PPP2R2A: variants seen among roughly 807,000 people sequenced by gnomAD.
The protein encoded by PPP2R2A is protein phosphatase 2 regulatory subunit Balpha.
In PPP2R2A, 9 loss-of-function variants were observed where a neutral mutation model predicts 53.2. The observed-to-expected ratio is 0.17, with a 90% CI of 0.10 to 0.30. The LOEUF (loss-of-function observed/expected upper bound fraction) is 0.30, where lower values mean the gene tolerates loss of function less well. Among genes scored for constraint, PPP2R2A ranks in the 10% least tolerant of loss-of-function variants. The probability of loss-of-function intolerance (pLI) is 1.00; values close to 1 mark genes in which losing one functional copy is unlikely to be tolerated. For synonymous variants in PPP2R2A, 169 were observed against 174.2 expected (o/e 0.97, Z 0.23); for missense variants, 235 against 534.6 (o/e 0.44, Z 5.53).
chr8:26,324,714 G>T (rs1307455117), intron 2 of PPP2R2A, among the ~76,000 whole-genome samples: 1 of 152,120 alleles, frequency 6.6e-6, no homozygotes, highest in Admixed American at 6.5e-5. Context: ...CTTGCACCAT[G>T]CCCCGGGAAA....
At chr8:26,314,887 T>TC (rs1802466504) in intron 2 of PPP2R2A, among the ~76,000 whole-genome samples, 6 of 25,028 alleles carry the variant, frequency 2.4e-4, no homozygotes, top group Non-Finnish European at 3.6e-4. Flanking sequence ...TTTTTTTCCC[T>TC]TCCCCCCCCC....
intron 2 of PPP2R2A, among the ~76,000 whole-genome samples, chr8:26,307,116 A>G (rs946174053): frequency 6.6e-6 from 1 of 152,188 alleles, no homozygotes; most frequent in Non-Finnish European, 1.5e-5. Context: ...AGAAATTAGC[A>G]TTTTCTTTTA....
At chr8:26,336,140 G>A (rs936949948) in intron 2 of PPP2R2A, among the ~76,000 whole-genome samples, 1 of 152,046 alleles carries the variant, frequency 6.6e-6, no homozygotes, top group Admixed American at 6.5e-5. Context: ...GTAAGGGCTG[G>A]GTGTTGTGTT....
intron 2 of PPP2R2A, among the ~76,000 whole-genome samples, chr8:26,309,645 G>A (rs1802185642): frequency 6.6e-6 from 1 of 152,144 alleles, no homozygotes; most frequent in African/African-American, 2.4e-5. Flanking sequence ...CTGTTGTTTA[G>A]TGTAGTCACC....
chr8:26,335,694 A>G (rs577714488), intron 2 of PPP2R2A, among the ~76,000 whole-genome samples: 4 of 152,270 alleles, frequency 2.6e-5, no homozygotes, highest in East Asian at 1.9e-4. Context: ...TCCCTCAAGG[A>G]TTTTACAGTG....
chr8:26,302,324 G>A (rs1801823373), intron 2 of PPP2R2A, among the ~76,000 whole-genome samples: 2 of 152,184 alleles, frequency 1.3e-5, no homozygotes, highest in African/African-American at 4.8e-5. Flanking sequence ...GAGCTTGACA[G>A]CCTCCCAATA....
Position 26,371,771 on chromosome 8 carries a change from A to G in PPP2R2A, c.*1358A>G, listed in dbSNP as rs570279197. 2.6e-5 allele frequency: 4 copies of G among 152,202 alleles called. No homozygotes were observed. The highest frequency in any genetic ancestry group is 5.9e-5 in the Non-Finnish European group (4 of 68,022). 9.4% of individuals were successfully genotyped at this position (152,202 alleles called of 1,614,324 possible). A position where few individuals can be genotyped will look rare whatever the true frequency, so the allele number is the denominator to read the frequency against. ...ATGAACTCCAACAGCTGCCTCAAAT[A>G]AAAATCTGTATATGAATACATTTTC... On this transcript the variant is annotated 3_prime_UTR_variant, in exon 10 of 10. Coordinates refer to ENST00000380737, the MANE Select transcript of PPP2R2A (RefSeq NM_002717.4).
intron 2 of PPP2R2A, among the ~76,000 whole-genome samples, chr8:26,336,267 A>C (rs1803652511): frequency 6.6e-6 from 1 of 152,076 alleles, no homozygotes; most frequent in Non-Finnish European, 1.5e-5. Context: ...ATAAAAAAAT[A>C]AAAATAAAAA....
chr8:26,327,961 C>T (rs532785334), intron 2 of PPP2R2A, among the ~76,000 whole-genome samples: 5 of 152,166 alleles, frequency 3.3e-5, no homozygotes, highest in Admixed American at 6.5e-5. Context: ...GACAGTAGAC[C>T]TTTGAATTGA....
rs975589056 is a variant in PPP2R2A, at chr8:26,291,552, C to T, written c.-268C>T. The T allele has an allele frequency of 4.5e-5, 24 of 533,828 alleles. No homozygotes were observed. The highest frequency in any genetic ancestry group is 4.9e-4 in the Middle Eastern group (1 of 2,044). The allele number at this position is 533,828 out of a possible 1,614,324, so 33.1% of individuals were successfully genotyped here. A position where few individuals can be genotyped will look rare whatever the true frequency, so the allele number is the denominator to read the frequency against. On this transcript the variant is annotated 5_prime_UTR_variant, in exon 1 of 10. Transcript: ENST00000380737. ...TGAAAGTGGAGTCGCCTGCCCCTGC[C>T]GCTGCCGCCGCCGCCGTCGCTGTCG...
chr8:26,334,530 G>A (rs1433213873), intron 2 of PPP2R2A, among the ~76,000 whole-genome samples: 1 of 152,124 alleles, frequency 6.6e-6, no homozygotes, highest in Non-Finnish European at 1.5e-5. Context: ...CGGATCACAA[G>A]GTCAGGAGAT....
At chr8:26,303,444 A>AT (rs1286575422) in intron 2 of PPP2R2A, among the ~76,000 whole-genome samples, 1 of 152,068 alleles carries the variant, frequency 6.6e-6, no homozygotes, top group African/African-American at 2.4e-5. Context: ...ATTGTGTTTT[A>AT]TTTTGAGCCC....
rs537087757 is a variant in PPP2R2A, at chr8:26,291,954, G to A, written c.7+128G>A. On this transcript the variant is annotated intron_variant, in intron 1 of 9. Transcript: ENST00000380737. ...CGCCCCTCGGGTTTGAGGGAGTAGG[G>A]TCCAGAGGGGTGGGGTGGGGGCGGG... 3.4e-4 allele frequency: 389 copies of A among 1,132,126 alleles called. 2 individuals carry two copies. The African/African-American group carries it at 4.2e-3, about 12-fold the overall frequency. The allele number at this position is 1,132,126 out of a possible 1,614,324, so 70.1% of individuals were successfully genotyped here.
At chr8:26,317,135 C>T (rs892586428) in intron 2 of PPP2R2A, among the ~76,000 whole-genome samples, 1 of 152,198 alleles carries the variant, frequency 6.6e-6, no homozygotes, top group African/African-American at 2.4e-5. Context: ...CCCCAGAGGT[C>T]ATTCCTGTCA....
At chr8:26,302,753 A>G (rs914340857) in intron 2 of PPP2R2A, among the ~76,000 whole-genome samples, 2 of 152,254 alleles carry the variant, frequency 1.3e-5, no homozygotes, top group African/African-American at 2.4e-5. Flanking sequence ...GAGAATCTTC[A>G]TTCTGTTAGG....
At chr8:26,330,006 G>A (rs906044946) in intron 2 of PPP2R2A, among the ~76,000 whole-genome samples, 1 of 152,124 alleles carries the variant, frequency 6.6e-6, no homozygotes, top group East Asian at 1.9e-4. Flanking sequence ...TTTACATTTA[G>A]TCATCATGTT....
At chr8:26,341,871 T>C (rs1195701294) in intron 3 of PPP2R2A, among the ~76,000 whole-genome samples, 1 of 152,196 alleles carries the variant, frequency 6.6e-6, no homozygotes, top group African/African-American at 2.4e-5. Context: ...ACATCAGACT[T>C]TGACATCTGT....
intron 1 of PPP2R2A, among the ~76,000 whole-genome samples, chr8:26,292,959 T>A (rs1252391619): frequency 6.6e-6 from 1 of 152,252 alleles, no homozygotes; most frequent in Non-Finnish European, 1.5e-5. Flanking sequence ...ACAAGTTGCT[T>A]GTTGGCCTTG....
chr8:26,363,563 A>G (rs1311087330), intron 7 of PPP2R2A, 158 bp from the exon 8 acceptor site: 1 of 599,114 alleles, frequency 1.7e-6, no homozygotes, highest in African/African-American at 1.9e-5. Flanking sequence ...AGAAGCTTTC[A>G]GGAGAATTCT....
Sources: gnomAD v4.1 joint callset for allele counts (sites outside exome capture counted in the v4.1 genomes callset) on GRCh38, gnomAD v4.1.1 for gene constraint, MANE v1.5 for transcripts, NCBI Gene and HGNC (gene_info 2026-07-23, HGNC 2026-07-21) for gene names.